KAZN: variants seen among roughly 807,000 people sequenced by gnomAD.
KAZN encodes the protein kazrin, periplakin interacting protein.
Under a neutral mutation model 87.4 loss-of-function variants are expected in KAZN, and 40 were observed. The observed-to-expected ratio is 0.46, with a 90% CI of 0.36 to 0.60. The LOEUF (loss-of-function observed/expected upper bound fraction) is 0.60. Among genes scored for constraint, KAZN ranks in the 20% least tolerant of loss-of-function variants. The pLI, the probability that KAZN is intolerant of heterozygous loss-of-function variation, is 0.00. For synonymous variants in KAZN, 466 were observed against 458.3 expected (o/e 1.02, Z -0.22); for missense variants, 898 against 1,073.9 (o/e 0.84, Z 2.29).
chr1:14,381,912 C>G (rs1433163364), intron 2 of KAZN, among the ~76,000 whole-genome samples: 7 of 152,120 alleles, frequency 4.6e-5, no homozygotes. Context: ...ATGATACAAT[C>G]TTATATTTGG....
chr1:15,027,891 G>A (rs910660217), intron 2 of KAZN, among the ~76,000 whole-genome samples: 5 of 152,190 alleles, frequency 3.3e-5, no homozygotes, highest in Admixed American at 2.0e-4. Context: ...TGGGTTAGGG[G>A]CTGTGGCATC....
chr1:15,111,189 G>A (rs1641599993), intron 13 of KAZN, among the ~76,000 whole-genome samples: 1 of 152,158 alleles, frequency 6.6e-6, no homozygotes, highest in Admixed American at 6.5e-5. Flanking sequence ...CCCCTCCCTT[G>A]AACTTTCTCA....
chr1:14,467,617 T>C (rs1224237272), intron 2 of KAZN, among the ~76,000 whole-genome samples: 2 of 146,228 alleles, frequency 1.4e-5, no homozygotes, highest in African/African-American at 5.2e-5. Context: ...CATAAATCAG[T>C]TGAAAGCATT....
rs141250057 is a variant in KAZN, at chr1:14,365,965, G to C, written c.249+185373G>C. Among the ~76,000 whole-genome samples the C allele has an allele frequency of 3.3e-5, 5 of 152,270 alleles. No individual in the cohort carries two copies. The East Asian group carries it at 9.7e-4, about 29-fold the overall frequency. On this transcript the variant is annotated intron_variant, in intron 2 of 16. Coordinates refer to the KAZN transcript ENST00000636203. ...CTGATGAGATAGATTTCCCTACCTG[G>C]AGGCCACAGTTATTATTGTTAGTTC...
intron 1 of KAZN, among the ~76,000 whole-genome samples, chr1:14,888,566 AT>A (rs1397218490): frequency 6.6e-6 from 1 of 151,810 alleles, no homozygotes; most frequent in Non-Finnish European, 1.5e-5. Flanking sequence ...GTGACTATTA[AT>A]TAATTCACGC....
At chr1:14,461,554 CT>C (rs890957702) in intron 2 of KAZN, among the ~76,000 whole-genome samples, 16 of 152,206 alleles carry the variant, frequency 1.1e-4, no homozygotes, top group Admixed American at 2.6e-4. Flanking sequence ...TCAGGTATGT[CT>C]TTATCAGCAG....
chr1:13,898,938 T>C (rs1015798555), intron 1 of KAZN, among the ~76,000 whole-genome samples: 1 of 152,228 alleles, frequency 6.6e-6, no homozygotes, highest in African/African-American at 2.4e-5. Context: ...CTAACATTTA[T>C]GGCATCTGTG....
intron 1 of KAZN, among the ~76,000 whole-genome samples, chr1:14,890,596 G>C (rs147021163): frequency 0.016 from 2,451 of 152,256 alleles, 54 homozygotes; most frequent in African/African-American, 0.056. Context: ...CTGAATGACG[G>C]GCGTGAATCA....
At chr1:14,827,103 T>A (rs1241283148) in intron 1 of KAZN, among the ~76,000 whole-genome samples, 1 of 152,082 alleles carries the variant, frequency 6.6e-6, no homozygotes, top group Non-Finnish European at 1.5e-5. Context: ...TCCCCTCACC[T>A]GGGAAAAGAG....
At chr1:14,318,040 T>C (rs1655782190) in intron 2 of KAZN, among the ~76,000 whole-genome samples, 1 of 152,090 alleles carries the variant, frequency 6.6e-6, no homozygotes, top group African/African-American at 2.4e-5. Flanking sequence ...GCTACTGTTA[T>C]CATAGATTTT....
intron 1 of KAZN, among the ~76,000 whole-genome samples, chr1:14,098,767 G>T (rs566963552): frequency 6.6e-6 from 1 of 152,272 alleles, no homozygotes; most frequent in South Asian, 2.1e-4. Flanking sequence ...ACCCTGTGTG[G>T]CTGCCCTGGG....
chr1:13,964,345 A>C (rs1046586264), intron 1 of KAZN, among the ~76,000 whole-genome samples: 1 of 152,256 alleles, frequency 6.6e-6, no homozygotes, highest in African/African-American at 2.4e-5. Flanking sequence ...GTTGGTTGAC[A>C]GTACTCAGGC....
At chr1:14,993,825 G>A (rs1372618912) in intron 2 of KAZN, among the ~76,000 whole-genome samples, 1 of 152,214 alleles carries the variant, frequency 6.6e-6, no homozygotes, top group African/African-American at 2.4e-5. Context: ...AGGCAGAAGA[G>A]AGAACTTTGA....
intron 2 of KAZN, among the ~76,000 whole-genome samples, chr1:14,417,652 T>C (rs1237143585): frequency 6.6e-6 from 1 of 152,118 alleles, no homozygotes; most frequent in East Asian, 1.9e-4. Flanking sequence ...AGAACAGCCT[T>C]GGTCTTTGGG....
At chr1:14,255,723 G>A (rs963080170) in intron 2 of KAZN, among the ~76,000 whole-genome samples, 3 of 152,208 alleles carry the variant, frequency 2.0e-5, no homozygotes, top group Non-Finnish European at 4.4e-5. Flanking sequence ...CTTTACAAGT[G>A]TGACATCGTT....
chr1:15,108,747 C>T (rs1641384575), intron 13 of KAZN, among the ~76,000 whole-genome samples: 1 of 152,170 alleles, frequency 6.6e-6, no homozygotes, highest in Non-Finnish European at 1.5e-5. Context: ...TATTTAGTGC[C>T]CAGGGTTCTC....
At chr1:14,771,599 G>A (rs1372981323) in intron 1 of KAZN, among the ~76,000 whole-genome samples, 1 of 152,116 alleles carries the variant, frequency 6.6e-6, no homozygotes, top group Non-Finnish European at 1.5e-5. Context: ...GCCAAGGCGG[G>A]CAAATCACCT....
chr1:13,986,889 A>G lies in KAZN; in HGVS notation c.91+93133A>G, dbSNP rs528936363. Among the ~76,000 whole-genome samples, 3 of 152,340 alleles carry G rather than the reference A, an allele frequency of 2.0e-5. No homozygotes were observed. In the South Asian group the frequency reaches 6.2e-4, roughly 32 times the overall value. ...TGTCCTGGACCTGAAGATCTGCTAC[A>G]GCCTTGTGAGTTCATGTCCTTCTGG... On this transcript the variant is annotated intron_variant, in intron 1 of 16. Transcript: ENST00000636203.
chr1:15,045,907 G>A (rs976681379), intron 4 of KAZN, among the ~76,000 whole-genome samples: 2 of 152,214 alleles, frequency 1.3e-5, no homozygotes, highest in South Asian at 2.1e-4. Context: ...CCCTTGACAC[G>A]TGGGGATTAC....
Sources: gnomAD v4.1 joint callset for allele counts (sites outside exome capture counted in the v4.1 genomes callset) on GRCh38, gnomAD v4.1.1 for gene constraint, MANE v1.5 for transcripts, NCBI Gene and HGNC (gene_info 2026-07-23, HGNC 2026-07-21) for gene names.